The following DENND1B variants were observed in gnomAD, a reference collection of about 807,000 sequenced individuals.
DENND1B encodes DENN domain-containing protein 1B.
A neutral mutation model predicts 90.1 loss-of-function variants in DENND1B; 59 were observed. The ratio of observed to expected loss-of-function variants is 0.65; its 90% CI spans 0.53 to 0.81. The LOEUF (loss-of-function observed/expected upper bound fraction) is 0.81. Ranked by LOEUF, DENND1B falls within the 40% of genes least tolerant of loss-of-function variation. DENND1B has a pLI of 0.00. For synonymous variants in DENND1B, 337 were observed against 324.6 expected (o/e 1.04, Z -0.41); for missense variants, 862 against 912.6 (o/e 0.94, Z 0.71).
intron 3 of DENND1B, among the ~76,000 whole-genome samples, chr1:197,701,865 T>G (rs1659064654): frequency 6.6e-6 from 1 of 152,194 alleles, no homozygotes; most frequent in Non-Finnish European, 1.5e-5. Context: ...TAACTTAAAA[T>G]ACCTTAAAAA....
At chr1:197,596,896 TCA>T (rs1386873421) in intron 13 of DENND1B, among the ~76,000 whole-genome samples, 2 of 151,862 alleles carry the variant, frequency 1.3e-5, no homozygotes, top group Non-Finnish European at 2.9e-5. Flanking sequence ...CAGTGTAAAG[TCA>T]CAGTTACTGT....
chr1:197,651,089 T>C (rs1653111347), intron 7 of DENND1B, among the ~76,000 whole-genome samples: 1 of 152,056 alleles, frequency 6.6e-6, no homozygotes, highest in Admixed American at 6.6e-5. Flanking sequence ...AGATAACAAC[T>C]TCCCTGTCTC....
upstream of DENND1B, among the ~76,000 whole-genome samples, chr1:197,779,046 T>G (rs1423852122): frequency 6.6e-6 from 1 of 152,230 alleles, no homozygotes; most frequent in Admixed American, 6.5e-5. Context: ...CATGTTTGTT[T>G]AGATTTACTC....
At chr1:197,669,087 T>C (rs1437599088) in intron 5 of DENND1B, among the ~76,000 whole-genome samples, 1 of 152,160 alleles carries the variant, frequency 6.6e-6, no homozygotes, top group Non-Finnish European at 1.5e-5. Context: ...GTGCTTATTA[T>C]GTATTTTGGC....
chr1:197,750,603 T>TAGATAGAC (rs1553342800), intron 2 of DENND1B, among the ~76,000 whole-genome samples: 76 of 151,532 alleles, frequency 5.0e-4, no homozygotes, highest in African/African-American at 1.8e-3. Context: ...GATAGATAGA[T>TAGATAGAC]AGATAGATAA....
rs1667808969 is a variant in DENND1B at position 197,508,070 on chromosome 1, AAGT to A, written c.*2387_*2389del. The A allele has an allele frequency of 6.6e-6, 1 of 151,612 alleles. No homozygotes were observed. Among genetic ancestry groups the A allele is most frequent in the Non-Finnish European group, 1.5e-5 (1 of 67,736 alleles). The allele number at this position is 151,612 out of a possible 1,614,324, so 9.4% of individuals were successfully genotyped here. ...CCAAACACCTTGAAAGGTGGCTGAA[AAGT>A]AGAACAAAATTTGGATTTCTGAAGC... On this transcript the variant is annotated 3_prime_UTR_variant, in exon 23 of 23. Coordinates refer to ENST00000620048, the MANE Select transcript of DENND1B (RefSeq NM_001195215.2).
intron 15 of DENND1B, among the ~76,000 whole-genome samples, chr1:197,573,097 G>A (rs1464576939): frequency 1.3e-5 from 2 of 152,064 alleles, no homozygotes; most frequent in African/African-American, 2.4e-5. Context: ...CCAGCTCCTG[G>A]ATTCATTAAT....
At chr1:197,659,070 A>G (rs1654142033) in intron 5 of DENND1B, among the ~76,000 whole-genome samples, 1 of 151,202 alleles carries the variant, frequency 6.6e-6, no homozygotes, top group South Asian at 2.1e-4. Flanking sequence ...TTAATGTTAA[A>G]CTGTACACTT....
rs1176665802 is a variant in DENND1B, at chr1:197,651,657, T to G, written c.447+578A>C. ...AAAATCAATGCTTCTTTTTTTTTTT[T>G]TTTTTTTTTTTTTTTTGAGACTGAG... On this transcript the variant is annotated intron_variant, in intron 7 of 22. Transcript: ENST00000620048. Among the ~76,000 whole-genome samples, 8 of 128,116 alleles carry G rather than the reference T, an allele frequency of 6.2e-5. 1 individual carries two copies. The highest frequency in any genetic ancestry group is 9.9e-5 in the Non-Finnish European group (6 of 60,426). The allele number at this position is 128,116 out of a possible 152,430, so 84.0% of individuals were successfully genotyped here.
At chr1:197,514,349 T>G (rs1668250542) in intron 20 of DENND1B, among the ~76,000 whole-genome samples, 1 of 151,574 alleles carries the variant, frequency 6.6e-6, no homozygotes, top group Non-Finnish European at 1.5e-5. Context: ...GTCCTAACAA[T>G]CTCTAAAGGC....
At chr1:197,772,750 G>T in intron 2 of DENND1B, 118 bp downstream of exon 2, 1 of 814,218 alleles carries the variant, frequency 1.2e-6, no homozygotes, top group South Asian at 1.8e-5. Context: ...ACCTGAACCC[G>T]GGAAGGAGAG....
At chr1:197,738,411 G>A (rs949395106) in intron 2 of DENND1B, among the ~76,000 whole-genome samples, 1 of 152,196 alleles carries the variant, frequency 6.6e-6, no homozygotes, top group African/African-American at 2.4e-5. Context: ...GTTTTCAGTA[G>A]TTGCATCCAC....
chr1:197,755,728 C>A (rs1654194862), intron 2 of DENND1B, among the ~76,000 whole-genome samples: 1 of 152,182 alleles, frequency 6.6e-6, no homozygotes. Context: ...GGAGGCCTCA[C>A]AACCACGGTG....
In DENND1B at chr1:197,645,817, G is replaced by C. The variant is rs1572178325; in HGVS notation, c.508-74C>G. The C allele has an allele frequency of 9.9e-6, 10 of 1,013,978 alleles. No homozygotes were observed. In the East Asian group the frequency reaches 2.9e-4, roughly 30 times the overall value. 62.8% of individuals were successfully genotyped at this position (1,013,978 alleles called of 1,614,324 possible). A position where few individuals can be genotyped will look rare whatever the true frequency, so the allele number is the denominator to read the frequency against. On this transcript the variant is annotated intron_variant, in intron 8 of 22. Coordinates refer to ENST00000620048, the MANE Select transcript of DENND1B (RefSeq NM_001195215.2). ...AACATATAATTTGTAATGAAAATCA[G>C]AAAAAAATATATTGAGTAAATTAAA...
chr1:197,751,235 T>C (rs1384249630), intron 2 of DENND1B, among the ~76,000 whole-genome samples: 1 of 152,316 alleles, frequency 6.6e-6, no homozygotes, highest in East Asian at 1.9e-4. Flanking sequence ...CAGAGTATGT[T>C]CTCTGACCTA....
In DENND1B at chr1:197,735,807, A is replaced by C. The variant is rs754865199; in HGVS notation, c.83-20733T>G. 3.7e-6 allele frequency: 6 copies of C among 1,610,042 alleles called. No individual in the cohort carries two copies. In the East Asian group the frequency reaches 8.9e-5, roughly 24 times the overall value. On this transcript the variant is annotated intron_variant, in intron 2 of 22. Coordinates refer to ENST00000620048, the MANE Select transcript of DENND1B (RefSeq NM_001195215.2). ...AAGCTGGACTGTCCTCTACAGAAAG[A>C]AGCACAAAAAGGGACAATTGGAAGA... is the stretch of plus-strand genomic sequence containing the variant.
At chr1:197,765,653 A>C (rs1655612015) in intron 2 of DENND1B, among the ~76,000 whole-genome samples, 1 of 152,254 alleles carries the variant, frequency 6.6e-6, no homozygotes, top group Non-Finnish European at 1.5e-5. Context: ...CTGTGGCAAC[A>C]CAGCAGTGAC....
intron 2 of DENND1B, among the ~76,000 whole-genome samples, chr1:197,758,877 C>T (rs987281838): frequency 6.7e-6 from 1 of 149,804 alleles, no homozygotes; most frequent in Non-Finnish European, 1.5e-5. Context: ...TTGTTTCTCA[C>T]TAAAAAGGAA....
intron 2 of DENND1B, chr1:197,735,694 G>A (rs375618411): frequency 1.1e-5 from 18 of 1,613,916 alleles, no homozygotes; most frequent in Admixed American, 5.0e-5. Context: ...CACGGGAGGC[G>A]CTACGCCAGG....
Sources: gnomAD v4.1 joint callset for allele counts (sites outside exome capture counted in the v4.1 genomes callset) on GRCh38, gnomAD v4.1.1 for gene constraint, MANE v1.5 for transcripts, NCBI Gene and HGNC (gene_info 2026-07-23, HGNC 2026-07-21) for gene names.